Variants in ELF1 observed in about 807,000 individuals in gnomAD.
The protein encoded by ELF1 is ETS-related transcription factor Elf-1.
ELF1 carries 24 observed loss-of-function variants against 59.9 expected under a neutral mutation model. The ratio of observed to expected loss-of-function variants is 0.40; its 90% confidence interval spans 0.29 to 0.56. The LOEUF is 0.56. Among genes scored for constraint, ELF1 ranks in the 20% least tolerant of loss-of-function variants. ELF1 has a pLI of 0.44. For synonymous variants in ELF1, 248 were observed against 266.2 expected (o/e 0.93, Z 0.67); for missense variants, 627 against 742.2 (o/e 0.84, Z 1.80).
chr13:40,960,282 C>A (rs565585898), intron 2 of ELF1, among the ~76,000 whole-genome samples: 4 of 151,956 alleles, frequency 2.6e-5, no homozygotes, highest in Admixed American at 1.3e-4. Context: ...AAAAAAAAAT[C>A]TTTTTTGGTT....
Position 41,015,020 on chromosome 13 carries a change from C to G in ELF1, c.-229+4208G>C, listed in dbSNP as rs373444550. On this transcript the variant is annotated intron_variant, in intron 1 of 8. Coordinates refer to ENST00000239882, the MANE Select transcript of ELF1 (RefSeq NM_172373.4). ...CCTCCCCCCAAAAAAAGAAAGAAAA[C>G]AAAAATATTACAAATAATAATAGTG... 6.3e-4 allele frequency among the ~76,000 whole-genome samples: 95 copies of G among 151,862 alleles called. 1 individual carries two copies. The highest frequency in any genetic ancestry group is 2.3e-3 in the African/African-American group (95 of 41,486).
intron 1 of ELF1, among the ~76,000 whole-genome samples, chr13:41,037,259 C>T (rs961790277): frequency 3.3e-5 from 5 of 152,078 alleles, no homozygotes; most frequent in Non-Finnish European, 7.4e-5. Flanking sequence ...AGTCTCTCTC[C>T]TGAAGGCGAT....
chr13:41,030,787 C>G lies in ELF1; in HGVS notation c.-229+30051G>C, dbSNP rs1377013271. Among the ~76,000 whole-genome samples the G allele has an allele frequency of 2.1e-5, 3 of 142,238 alleles. No individual in the cohort carries two copies. In the South Asian group the frequency reaches 6.6e-4, roughly 31 times the overall value. 93.3% of individuals were successfully genotyped at this position (142,238 alleles called of 152,430 possible). ...GAAAGTAATTTTGTTGTGAAAGGGT[C>G]AAGAGAAAGCTTTTTTGATTTGGGT... is the stretch of plus-strand genomic sequence containing the variant. On this transcript the variant is annotated intron_variant, in intron 1 of 1. Transcript: ENST00000405737.
intron 2 of ELF1, among the ~76,000 whole-genome samples, chr13:40,981,317 C>T (rs977594631): frequency 6.6e-6 from 1 of 151,944 alleles, no homozygotes. Context: ...ACTCTAGCCT[C>T]GTTCCAGTTC....
chr13:40,933,874 T>C lies in ELF1; in HGVS notation c.1411A>G (p.Ile471Val). The C allele has an allele frequency of 1.2e-6, 2 of 1,614,238 alleles. No individual in the cohort carries two copies. The highest frequency in any genetic ancestry group is 1.7e-6 in the Non-Finnish European group (2 of 1,180,040). ...ACTGTCATGGGCTGTGATGATGGAATGGCTTGTAAAATAAACTTCTGAGAT... is the reference window on the plus strand; with the variant it reads ...ACTGTCATGGGCTGTGATGATGGAACGGCTTGTAAAATAAACTTCTGAGAT... ...TGSQKFILQA[I>V]PSSQPMTVLK... Residue 471 changes from isoleucine (I) to valine (V), a missense_variant, in exon 9 of 9, where the codon ATT (isoleucine) becomes GTT (valine). Ile to Val is a conservative substitution (Grantham distance 29). This residue lies in a region of ELF1 where 361 missense variants were observed against 396.1 expected (regional missense o/e 0.91). Transcript: ENST00000239882.
intron 2 of ELF1, among the ~76,000 whole-genome samples, chr13:40,969,527 G>A (rs1397830582): frequency 6.6e-6 from 1 of 152,190 alleles, no homozygotes; most frequent in Non-Finnish European, 1.5e-5. Context: ...CACGTGCAGG[G>A]CCTGGCAAGG....
At chr13:40,963,996 G>T (rs1169558251) in intron 2 of ELF1, among the ~76,000 whole-genome samples, 1 of 151,968 alleles carries the variant, frequency 6.6e-6, no homozygotes, top group East Asian at 1.9e-4. Context: ...CACCTCTCAG[G>T]TGACTAGAAA....
chr13:41,044,540 A>G (rs1361741070), intron 1 of ELF1, among the ~76,000 whole-genome samples: 1 of 152,204 alleles, frequency 6.6e-6, no homozygotes. Context: ...CTCTGCATCT[A>G]TTGAGATAAT....
chr13:41,050,721 T>C (rs1877053024), intron 1 of ELF1, among the ~76,000 whole-genome samples: 1 of 152,010 alleles, frequency 6.6e-6, no homozygotes, highest in African/African-American at 2.4e-5. Flanking sequence ...CAGCTAATTT[T>C]TGTATTTTTA....
intron 1 of ELF1, chr13:40,982,993 G>T: frequency 2.7e-6 from 1 of 371,174 alleles, no homozygotes; most frequent in Non-Finnish European, 3.7e-6. Context: ...GCAAAGAACT[G>T]CACTTTACAA....
At chr13:40,953,510 T>G (rs1406144019) in intron 3 of ELF1, among the ~76,000 whole-genome samples, 2 of 152,174 alleles carry the variant, frequency 1.3e-5, no homozygotes, top group Non-Finnish European at 2.9e-5. Context: ...AAGTCACCTA[T>G]AAGTCCAGAA....
intron 6 of ELF1, 60 bp from the exon 7 acceptor site, chr13:40,943,204 A>C: frequency 7.2e-7 from 1 of 1,390,408 alleles, no homozygotes; most frequent in Non-Finnish European, 9.5e-7. Flanking sequence ...AACCTCAAAA[A>C]AGACAACTAA....
chr13:40,986,273 CCT>C (rs993212663), intron 1 of ELF1, among the ~76,000 whole-genome samples: 2 of 152,206 alleles, frequency 1.3e-5, no homozygotes, highest in East Asian at 1.9e-4. Context: ...GTCTCAGTCC[CCT>C]CTTTCCATAA....
rs149472659 is a variant in ELF1, at chr13:40,937,762, C to T, written c.1256+3159G>A. ...GGGATTACAGGCATGAGCCACCGCG[C>T]CCAGCTTCTATATGCTTTTAGGATA... On this transcript the variant is annotated intron_variant, in intron 8 of 8. Coordinates refer to ENST00000239882, the MANE Select transcript of ELF1 (RefSeq NM_172373.4). Among the ~76,000 whole-genome samples the T allele has an allele frequency of 1.0e-2, 1,518 of 152,244 alleles. 37 individuals are homozygous for T. The highest frequency in any genetic ancestry group is 0.035 in the African/African-American group (1,438 of 41,534).
intron 1 of ELF1, among the ~76,000 whole-genome samples, chr13:41,006,900 T>C (rs1436457712): frequency 6.6e-6 from 1 of 152,198 alleles, no homozygotes; most frequent in Admixed American, 6.5e-5. Flanking sequence ...TAAAACTTTA[T>C]GTACATAGCA....
chr13:41,022,543 T>C (rs1480140125), upstream of ELF1, among the ~76,000 whole-genome samples: 1 of 152,132 alleles, frequency 6.6e-6, no homozygotes, highest in Non-Finnish European at 1.5e-5. Flanking sequence ...ATAGGGCAAA[T>C]TGTACTGCAT....
chr13:40,941,724 CA>C (rs1870185142), intron 7 of ELF1, among the ~76,000 whole-genome samples: 1 of 152,088 alleles, frequency 6.6e-6, no homozygotes, highest in Non-Finnish European at 1.5e-5. Context: ...GTGGCATGAT[CA>C]CAGCTCACTG....
Position 41,034,790 on chromosome 13 carries a change from TAAA to T in ELF1, c.-229+26045_-229+26047del, listed in dbSNP as rs368956919. Among the ~76,000 whole-genome samples the T allele has an allele frequency of 4.7e-3, 556 of 117,328 alleles. 4 individuals are homozygous for T. Among genetic ancestry groups the T allele is most frequent in the African/African-American group, 0.016 (522 of 31,842 alleles). 77.0% of individuals were successfully genotyped at this position (117,328 alleles called of 152,430 possible). Reference sequence around the variant, plus strand: ...AAATTCTACCCCTTAATATTCCTATTAAAAAAAAAAAAAAAAAAACCTTCACTG... The same window carrying T: ...AAATTCTACCCCTTAATATTCCTATTAAAAAAAAAAAAAAAACCTTCACTG... On this transcript the variant is annotated intron_variant, in intron 1 of 1. Coordinates refer to the ELF1 transcript ENST00000405737.
intron 8 of ELF1, among the ~76,000 whole-genome samples, chr13:40,939,787 G>GAAACA: frequency 6.6e-6 from 1 of 151,924 alleles, no homozygotes; most frequent in South Asian, 2.1e-4. Context: ...ATAATGCAAC[G>GAAACA]ATTCAAAATC....
Sources: gnomAD v4.1 joint callset for allele counts (sites outside exome capture counted in the v4.1 genomes callset) on GRCh38, gnomAD v4.1.1 for gene constraint, gnomAD v4.1.1 regional missense constraint, MANE v1.5 for transcripts, NCBI Gene and HGNC (gene_info 2026-07-23, HGNC 2026-07-21) for gene names.